Variants in IPO11 observed in about 807,000 individuals in gnomAD.
IPO11 encodes the protein importin-11.
Under a neutral mutation model 143.2 loss-of-function variants are expected in IPO11, and 66 were observed. That is an observed-to-expected ratio of 0.46 (90% CI 0.38 to 0.57). The LOEUF (loss-of-function observed/expected upper bound fraction) is 0.57, where lower values mean the gene tolerates loss of function less well. IPO11 is among the 20% of genes least tolerant of loss of function. The pLI, the probability that IPO11 is intolerant of heterozygous loss-of-function variation, is 0.00. For missense variants in IPO11, 1,026 were observed against 1,141.0 expected (o/e 0.90, Z 1.45); for synonymous variants, 385 against 377.8 (o/e 1.02, Z -0.22).
chr5:62,593,026 C>T (rs1745088584), intron 28 of IPO11, among the ~76,000 whole-genome samples: 1 of 152,162 alleles, frequency 6.6e-6, no homozygotes, highest in South Asian at 2.1e-4. Context: ...ATCAGATGTT[C>T]CTTTGTCCTC....
chr5:62,447,744 C>T (rs1744770516), intron 3 of IPO11, among the ~76,000 whole-genome samples: 1 of 151,174 alleles, frequency 6.6e-6, no homozygotes, highest in African/African-American at 2.4e-5. Context: ...TGCCACCATG[C>T]CTGGCTAATT....
At chr5:62,493,974 A>T in intron 15 of IPO11, 24 bp from the exon 16 acceptor site, 1 of 1,587,112 alleles carries the variant, frequency 6.3e-7, no homozygotes, top group Non-Finnish European at 8.6e-7. Context: ...TAACATTTTA[A>T]TTTCATGATT....
chr5:62,504,605 T>C lies in IPO11; in HGVS notation c.1591-62T>C, dbSNP rs1020318211. On this transcript the variant is annotated intron_variant, in intron 16 of 29. Coordinates refer to ENST00000325324, the MANE Select transcript of IPO11 (RefSeq NM_016338.5). ...GTGATTTGGAATAAAATTTTTTGTT[T>C]GATATTAATGATGTTTAGTCATTCT... The C allele has an allele frequency of 6.2e-5, 61 of 984,880 alleles. No individual in the cohort carries two copies. In the Admixed American group the frequency reaches 8.6e-4, roughly 14 times the overall value. The allele number at this position is 984,880 out of a possible 1,614,324, so 61.0% of individuals were successfully genotyped here.
In IPO11 at chr5:62,489,299, T is replaced by C; in HGVS notation, c.1310-3T>C. 1 of 1,526,342 alleles carries C rather than the reference T, an allele frequency of 6.6e-7. No individual in the cohort carries two copies. The highest frequency in any genetic ancestry group is 8.9e-7 in the Non-Finnish European group (1 of 1,128,034). The allele number at this position is 1,526,342 out of a possible 1,614,324, so 94.5% of individuals were successfully genotyped here. A position where few individuals can be genotyped will look rare whatever the true frequency, so the allele number is the denominator to read the frequency against. On this transcript the variant is annotated splice_region_variant and splice_polypyrimidine_tract_variant and intron_variant, in intron 13 of 29. Coordinates refer to ENST00000325324, the MANE Select transcript of IPO11 (RefSeq NM_016338.5). Reference sequence around the variant, plus strand: ...GATACCTATTTATATATATATTTTTTAGGACCCACAAATGTGGAAGATATG... The same window carrying C: ...GATACCTATTTATATATATATTTTTCAGGACCCACAAATGTGGAAGATATG...
chr5:62,446,911 G>A (rs1744737726), intron 3 of IPO11, among the ~76,000 whole-genome samples: 1 of 151,418 alleles, frequency 6.6e-6, no homozygotes, highest in Admixed American at 6.6e-5. Context: ...AGGTTGCAGT[G>A]AGCTGAGATC....
At chr5:62,600,571 T>C (rs972040114) in intron 28 of IPO11, among the ~76,000 whole-genome samples, 6 of 152,216 alleles carry the variant, frequency 3.9e-5, no homozygotes, top group Admixed American at 1.3e-4. Context: ...CAAACTGGGA[T>C]GTAGACCTTT....
chr5:62,615,907 T>C (rs1318362921), intron 29 of IPO11, among the ~76,000 whole-genome samples: 2 of 152,206 alleles, frequency 1.3e-5, no homozygotes, highest in Non-Finnish European at 2.9e-5. Flanking sequence ...TTTGTTTGAT[T>C]ACATGGCATC....
At chr5:62,431,934 C>CAGATACATACATACAT (rs1554046952) in intron 1 of IPO11, among the ~76,000 whole-genome samples, 3 of 148,576 alleles carry the variant, frequency 2.0e-5, no homozygotes, top group African/African-American at 7.5e-5. Context: ...GAGCAAGACT[C>CAGATACATACATACAT]ACATACATAC....
intron 27 of IPO11, chr5:62,579,017 T>A (rs1478659126): frequency 1.2e-5 from 3 of 244,192 alleles, no homozygotes; most frequent in Non-Finnish European, 2.4e-5. Flanking sequence ...AATTTAATTG[T>A]TCTGTAGTGA....
At chr5:62,505,574 G>C (rs1321384179) in intron 18 of IPO11, among the ~76,000 whole-genome samples, 1 of 152,068 alleles carries the variant, frequency 6.6e-6, no homozygotes, top group Non-Finnish European at 1.5e-5. Context: ...GAAATGTGTT[G>C]TAGAAGTGTG....
At chr5:62,506,603 A>C (rs1015642456) in intron 19 of IPO11, among the ~76,000 whole-genome samples, 4 of 152,204 alleles carry the variant, frequency 2.6e-5, no homozygotes, top group Non-Finnish European at 5.9e-5. Context: ...GCAGAATTTT[A>C]CATATTTTAG....
At chr5:62,501,364 A>T (rs1434462314) in intron 16 of IPO11, among the ~76,000 whole-genome samples, 3 of 152,220 alleles carry the variant, frequency 2.0e-5, no homozygotes, top group African/African-American at 7.2e-5. Context: ...TGAAGGAAAT[A>T]TAAAATAATC....
At chr5:62,594,275 AG>A (rs1745134433) in intron 28 of IPO11, among the ~76,000 whole-genome samples, 1 of 152,234 alleles carries the variant, frequency 6.6e-6, no homozygotes, top group Non-Finnish European at 1.5e-5. Context: ...CAGCAAGCTT[AG>A]GACCCATGAG....
At chr5:62,511,616 C>G (rs1020834809) in intron 19 of IPO11, among the ~76,000 whole-genome samples, 1 of 152,024 alleles carries the variant, frequency 6.6e-6, no homozygotes, top group African/African-American at 2.4e-5. Flanking sequence ...GTTTGGCTAC[C>G]CTTTTAGAGT....
intron 18 of IPO11, 39 bp from the exon 19 acceptor site, chr5:62,506,202 A>AT (rs1284398267): frequency 8.7e-7 from 1 of 1,153,780 alleles, no homozygotes. Context: ...TTTCATTTCT[A>AT]TTATAAACCT....
At chr5:62,624,980 C>CAAAAAA (rs141431600) in intron 29 of IPO11, among the ~76,000 whole-genome samples, 12 of 89,702 alleles carry the variant, frequency 1.3e-4, no homozygotes, top group Non-Finnish European at 2.0e-4. Context: ...GCGAGAGACT[C>CAAAAAA]AAAAAAAAAA....
chr5:62,548,825 ATTTC>A (rs1580312842), intron 24 of IPO11, among the ~76,000 whole-genome samples: 1 of 151,878 alleles, frequency 6.6e-6, no homozygotes, highest in East Asian at 1.9e-4. Flanking sequence ...TTCCTCTTGA[ATTTC>A]TTTCTTGCTT....
intron 5 of IPO11, among the ~76,000 whole-genome samples, chr5:62,452,723 G>GGTGTGTGTGTGTGTGT (rs57057274): frequency 1.5e-5 from 2 of 135,334 alleles, no homozygotes; most frequent in Non-Finnish European, 3.1e-5. Flanking sequence ...TTTTTGGTGG[G>GGTGTGTGTGTGTGTGT]GTGTGTGTGT....
intron 7 of IPO11, 103 bp from the exon 8 acceptor site, chr5:62,474,313 T>G (rs1379695925): frequency 2.9e-6 from 2 of 681,942 alleles, no homozygotes; most frequent in South Asian, 2.5e-5. Flanking sequence ...TCGGCTAATT[T>G]TTTTAAGTGA....
Sources: gnomAD v4.1 joint callset for allele counts (sites outside exome capture counted in the v4.1 genomes callset) on GRCh38, gnomAD v4.1.1 for gene constraint, MANE v1.5 for transcripts, NCBI Gene and HGNC (gene_info 2026-07-23, HGNC 2026-07-21) for gene names.